UNC5C: variants seen among roughly 807,000 people sequenced by gnomAD.
UNC5C encodes unc-5 netrin receptor C.
Under a neutral mutation model 99.8 loss-of-function variants are expected in UNC5C, and 47 were observed. The ratio of observed to expected loss-of-function variants is 0.47; its 90% confidence interval spans 0.37 to 0.60. The LOEUF is 0.60. Among genes scored for constraint, UNC5C ranks in the 20% least tolerant of loss-of-function variants. The pLI, the probability that UNC5C is intolerant of heterozygous loss-of-function variation, is 0.00. For synonymous variants in UNC5C, 487 were observed against 452.2 expected (o/e 1.08, Z -0.98); for missense variants, 1,062 against 1,165.9 (o/e 0.91, Z 1.30).
At chr4:95,300,740 G>GA (rs1164572221) in intron 3 of UNC5C, among the ~76,000 whole-genome samples, 1 of 151,884 alleles carries the variant, frequency 6.6e-6, no homozygotes, top group Non-Finnish European at 1.5e-5. Flanking sequence ...AAAATAAAAG[G>GA]AAAAAAATTG....
intron 1 of UNC5C, among the ~76,000 whole-genome samples, chr4:95,493,531 C>T (rs1039975732): frequency 6.6e-6 from 1 of 151,330 alleles, no homozygotes; most frequent in Non-Finnish European, 1.5e-5. Context: ...AGATGGTGAG[C>T]TTTATTAAAC....
chr4:95,436,877 G>A (rs1482334465), intron 1 of UNC5C, among the ~76,000 whole-genome samples: 1 of 151,306 alleles, frequency 6.6e-6, no homozygotes, highest in African/African-American at 2.4e-5. Flanking sequence ...TATGACAGAT[G>A]TACTATGGGA....
At chr4:95,294,272 A>C (rs1741594082) in intron 3 of UNC5C, among the ~76,000 whole-genome samples, 1 of 152,216 alleles carries the variant, frequency 6.6e-6, no homozygotes, top group Admixed American at 6.5e-5. Context: ...AGACTCACGA[A>C]TATGAACAAG....
intron 1 of UNC5C, among the ~76,000 whole-genome samples, chr4:95,446,702 CAACT>C (rs1223930248): frequency 6.6e-6 from 1 of 152,134 alleles, no homozygotes; most frequent in Non-Finnish European, 1.5e-5. Flanking sequence ...GTTGGCTACA[CAACT>C]ATAGTGGTTA....
chr4:95,237,162 A>C (rs898201059), intron 7 of UNC5C, among the ~76,000 whole-genome samples: 1 of 152,180 alleles, frequency 6.6e-6, no homozygotes, highest in African/African-American at 2.4e-5. Flanking sequence ...GTTTTTAAAA[A>C]TATTTTTGAC....
chr4:95,260,272 C>T (rs1740171508), intron 4 of UNC5C, among the ~76,000 whole-genome samples: 1 of 152,198 alleles, frequency 6.6e-6, no homozygotes, highest in African/African-American at 2.4e-5. Flanking sequence ...ACAAAACAGC[C>T]TCCTTTCCTT....
At position 95,528,422 on chromosome 4, in the gene UNC5C, T is replaced by C. The variant is rs747189319; in HGVS notation, c.124+20312A>G. On this transcript the variant is annotated intron_variant, in intron 1 of 15. Transcript: ENST00000453304. ...GGAGAAATATCTAACGTTGCCACCA[T>C]TTACCTTCAAGCACTGACATCATTT... 6.6e-5 allele frequency among the ~76,000 whole-genome samples: 10 copies of C among 152,254 alleles called. 1 individual carries two copies. The Middle Eastern group carries it at 0.01, about 155-fold the overall frequency.
chr4:95,482,705 T>C (rs1207553584), intron 1 of UNC5C, among the ~76,000 whole-genome samples: 3 of 123,282 alleles, frequency 2.4e-5, no homozygotes, highest in Non-Finnish European at 1.7e-5. Context: ...TCATGTCCTT[T>C]GTAGGGACAT....
At chr4:95,496,255 T>C (rs148612014) in intron 1 of UNC5C, among the ~76,000 whole-genome samples, 1 of 151,876 alleles carries the variant, frequency 6.6e-6, no homozygotes, top group African/African-American at 2.4e-5. Context: ...CCTCAGAAAT[T>C]AGGATTTAAC....
At chr4:95,171,020 A>G (rs1321102762) in intron 14 of UNC5C, among the ~76,000 whole-genome samples, 2 of 152,250 alleles carry the variant, frequency 1.3e-5, no homozygotes, top group African/African-American at 2.4e-5. Flanking sequence ...AGAGAAAACC[A>G]TAAATTGGCT....
chr4:95,274,482 T>A (rs1383506555), intron 4 of UNC5C, among the ~76,000 whole-genome samples: 1 of 152,124 alleles, frequency 6.6e-6, no homozygotes, highest in Non-Finnish European at 1.5e-5. Context: ...AGTCTAGAGT[T>A]CTGAAACTCT....
At chr4:95,283,401 A>C (rs569985244) in intron 3 of UNC5C, among the ~76,000 whole-genome samples, 49 of 152,340 alleles carry the variant, frequency 3.2e-4, no homozygotes, top group African/African-American at 1.2e-3. Context: ...TTCTTCCTGA[A>C]AAACGCTTTT....
intron 1 of UNC5C, among the ~76,000 whole-genome samples, chr4:95,416,518 T>C (rs937053896): frequency 6.6e-5 from 10 of 152,106 alleles, no homozygotes; most frequent in African/African-American, 2.2e-4. Flanking sequence ...AAGTGCGACA[T>C]GAATTCTCTG....
In UNC5C at chr4:95,166,826, A is replaced by G. The variant is rs1047063498; in HGVS notation, c.*2408T>C. 3 of 152,114 alleles carry G rather than the reference A, an allele frequency of 2.0e-5. No homozygotes were observed. Among genetic ancestry groups the G allele is most frequent in the Admixed American group, 1.3e-4 (2 of 15,276 alleles). 9.4% of individuals were successfully genotyped at this position (152,114 alleles called of 1,614,324 possible). On this transcript the variant is annotated 3_prime_UTR_variant, in exon 16 of 16. Transcript: ENST00000453304. Reference sequence around the variant, plus strand: ...AAAATGTGTGTGTATAACTGCGTGTATATATATTTGATTTTTAATTTAGAA... The same window carrying G: ...AAAATGTGTGTGTATAACTGCGTGTGTATATATTTGATTTTTAATTTAGAA...
intron 1 of UNC5C, among the ~76,000 whole-genome samples, chr4:95,416,783 A>C (rs72659968): frequency 0.067 from 10,245 of 152,276 alleles, 422 homozygotes; most frequent in South Asian, 0.11. Context: ...GTACTTCTTG[A>C]AAAAGTCAGA....
chr4:95,386,295 G>A (rs1284781105), intron 1 of UNC5C, among the ~76,000 whole-genome samples: 1 of 151,842 alleles, frequency 6.6e-6, no homozygotes, highest in Non-Finnish European at 1.5e-5. Context: ...GTATACATGT[G>A]CCATGCTGGT....
chr4:95,346,422 C>A (rs995888768), intron 1 of UNC5C, among the ~76,000 whole-genome samples: 15 of 152,010 alleles, frequency 9.9e-5, no homozygotes, highest in Non-Finnish European at 1.6e-4. Flanking sequence ...TACTTCAAAA[C>A]TCATTCTATC....
chr4:95,206,803 G>A lies in UNC5C; in HGVS notation c.1734-7C>T. 6.4e-7 allele frequency: 1 copy of A among 1,567,450 alleles called. No homozygotes were observed. Among genetic ancestry groups the A allele is most frequent in the Non-Finnish European group, 8.6e-7 (1 of 1,158,026 alleles). On this transcript the variant is annotated splice_region_variant and splice_polypyrimidine_tract_variant and intron_variant, in intron 10 of 15. Coordinates refer to ENST00000453304, the MANE Select transcript of UNC5C (RefSeq NM_003728.4). ...AGAGTCATCCATGGGTGGCCTAGGAGGAGAGCAGAGAATGGCTTCAGTGAC... is the reference window on the plus strand; with the variant it reads ...AGAGTCATCCATGGGTGGCCTAGGAAGAGAGCAGAGAATGGCTTCAGTGAC...
chr4:95,537,277 GC>G (rs560597927), intron 1 of UNC5C, among the ~76,000 whole-genome samples: 7 of 152,168 alleles, frequency 4.6e-5, no homozygotes, highest in Non-Finnish European at 1.0e-4. Context: ...TGCTCACAAA[GC>G]TTATCCACAA....
Sources: gnomAD v4.1 joint callset for allele counts (sites outside exome capture counted in the v4.1 genomes callset) on GRCh38, gnomAD v4.1.1 for gene constraint, MANE v1.5 for transcripts, NCBI Gene and HGNC (gene_info 2026-07-23, HGNC 2026-07-21) for gene names.